CCDC141: variants seen among roughly 807,000 people sequenced by gnomAD.
The protein encoded by CCDC141 is coiled-coil domain containing 141.
Under a neutral mutation model 181.0 loss-of-function variants are expected in CCDC141, and 168 were observed. The observed-to-expected ratio is 0.93, with a 90% confidence interval of 0.82 to 1.05. The LOEUF (loss-of-function observed/expected upper bound fraction) is 1.05, where lower values mean the gene tolerates loss of function less well. CCDC141 is among the 50% of genes least tolerant of loss of function. CCDC141 has a pLI of 0.00. For missense variants in CCDC141, 1,902 were observed against 1,788.5 expected (o/e 1.06, Z -1.14); for synonymous variants, 666 against 642.3 (o/e 1.04, Z -0.56).
chr2:178,904,356 C>G (rs1165871183), intron 8 of CCDC141, among the ~76,000 whole-genome samples: 1 of 152,102 alleles, frequency 6.6e-6, no homozygotes, highest in African/African-American at 2.4e-5. Flanking sequence ...GGTTAAATAC[C>G]CCTGTCCAGA....
At chr2:178,998,349 C>T (rs983404731) in intron 2 of CCDC141, among the ~76,000 whole-genome samples, 11 of 152,170 alleles carry the variant, frequency 7.2e-5, no homozygotes, top group African/African-American at 2.7e-4. Context: ...AATGTATTCA[C>T]TCAGTCATTG....
intron 2 of CCDC141, among the ~76,000 whole-genome samples, chr2:178,984,007 T>A (rs1476606914): frequency 6.6e-6 from 1 of 151,046 alleles, no homozygotes; most frequent in East Asian, 2.0e-4. Flanking sequence ...CCAAAACACA[T>A]AATTGTCAGA....
intron 5 of CCDC141, among the ~76,000 whole-genome samples, chr2:178,959,524 T>C (rs1011212128): frequency 5.3e-5 from 8 of 152,138 alleles, no homozygotes; most frequent in African/African-American, 1.4e-4. Context: ...TTGTTTCGTG[T>C]CCTGAGGATT....
chr2:178,843,601 G>A (rs1684817321), intron 22 of CCDC141, among the ~76,000 whole-genome samples: 1 of 151,800 alleles, frequency 6.6e-6, no homozygotes, highest in South Asian at 2.1e-4. Context: ...CTATCTCCAG[G>A]AAAAAAAATC....
At chr2:178,943,296 A>G (rs1424775664) in intron 6 of CCDC141, among the ~76,000 whole-genome samples, 1 of 152,222 alleles carries the variant, frequency 6.6e-6, no homozygotes, top group Non-Finnish European at 1.5e-5. Context: ...AAATTAAAAA[A>G]TAATCAGTCA....
intron 2 of CCDC141, among the ~76,000 whole-genome samples, chr2:179,029,594 C>A (rs542191934): frequency 1.3e-5 from 2 of 152,106 alleles, no homozygotes; most frequent in Non-Finnish European, 2.9e-5. Context: ...GCTGGATACA[C>A]AGAGGGTGTC....
At chr2:178,882,018 G>A (rs1156440419) in intron 11 of CCDC141, among the ~76,000 whole-genome samples, 1 of 151,682 alleles carries the variant, frequency 6.6e-6, no homozygotes, top group Non-Finnish European at 1.5e-5. Flanking sequence ...GTGAGGGCAA[G>A]ACTGTAAGGA....
chr2:178,976,367 A>AAT (rs2154380552), intron 3 of CCDC141, among the ~76,000 whole-genome samples: 2 of 152,346 alleles, frequency 1.3e-5, no homozygotes, highest in South Asian at 4.1e-4. Flanking sequence ...GGGGATTCTT[A>AAT]ATATTTTAAT....
At chr2:178,876,211 A>C (rs1686350460) in intron 12 of CCDC141, 1 of 152,228 alleles carries the variant, frequency 6.6e-6, no homozygotes, top group South Asian at 2.1e-4. Flanking sequence ...TTCAGGCTCC[A>C]GACTGAGATT....
the CCDC141 span, among the ~76,000 whole-genome samples, chr2:178,815,552 A>G: frequency 6.6e-6 from 1 of 152,200 alleles, no homozygotes; most frequent in East Asian, 1.9e-4. Context: ...ATTTGGGGAC[A>G]CTTGCAGTAT....
At chr2:179,041,782 G>A (rs776787967) in intron 2 of CCDC141, among the ~76,000 whole-genome samples, 5 of 152,060 alleles carry the variant, frequency 3.3e-5, no homozygotes, top group Non-Finnish European at 5.9e-5. Context: ...TGACAAAACA[G>A]ACTGTAAACC....
In CCDC141 at chr2:178,961,380, A is replaced by G; in HGVS notation, c.630T>C (p.Thr210=). Residue 210 remains threonine (T), a synonymous_variant, in exon 5 of 24, where the codon ACT becomes ACC. Coordinates refer to ENST00000443758, the MANE Select transcript of CCDC141 (RefSeq NM_173648.4). ...CEGPNVNPEL[T]QGAHSSCLKV... is the part of the protein sequence containing the mutation. ...TCAGACAGCTGCTATGAGCTCCCTG[A>G]GTCAACTCAGGATTCACATTAGGTC... is the stretch of plus-strand genomic sequence containing the variant. The G allele has an allele frequency of 6.4e-7, 1 of 1,550,608 alleles. No homozygotes were observed. Among genetic ancestry groups the G allele is most frequent in the Non-Finnish European group, 8.7e-7 (1 of 1,146,970 alleles).
chr2:179,004,706 C>T (rs893056405), intron 2 of CCDC141, among the ~76,000 whole-genome samples: 2 of 152,080 alleles, frequency 1.3e-5, no homozygotes, highest in African/African-American at 4.8e-5. Context: ...TAAAATGCTT[C>T]CTAAATAAAG....
In CCDC141 at chr2:178,855,556, A is replaced by G. The variant is rs1277479813; in HGVS notation, c.2866-15T>C. On this transcript the variant is annotated splice_polypyrimidine_tract_variant and intron_variant, in intron 18 of 23. Coordinates refer to ENST00000443758, the MANE Select transcript of CCDC141 (RefSeq NM_173648.4). The stretch of plus-strand genomic sequence containing the variant: ...CTTTTCAAAGCCTGTGTGAAAAACA[A>G]AAAGTTTTTTAAACAACATTCAATT... 9 of 1,537,290 alleles carry G rather than the reference A, an allele frequency of 5.9e-6. No individual in the cohort carries two copies. The highest frequency in any genetic ancestry group is 1.7e-4 in the Middle Eastern group (1 of 5,760).
At chr2:178,854,808 G>A (rs1160960512) in intron 19 of CCDC141, among the ~76,000 whole-genome samples, 1 of 152,158 alleles carries the variant, frequency 6.6e-6, no homozygotes, top group East Asian at 1.9e-4. Context: ...TTCAAGTGCA[G>A]AATTTCTTCA....
At chr2:178,981,636 G>GTATATATATATATATATATATATGTA (rs1193430874) in intron 2 of CCDC141, among the ~76,000 whole-genome samples, 1 of 62,404 alleles carries the variant, frequency 1.6e-5, no homozygotes, top group African/African-American at 5.5e-5. Context: ...GTGTGTGTGT[G>GTATATATATATATATATATATATGTA]TATATATATA....
chr2:179,028,854 A>G (rs992320558), intron 2 of CCDC141, among the ~76,000 whole-genome samples: 1 of 152,098 alleles, frequency 6.6e-6, no homozygotes, highest in Admixed American at 6.6e-5. Context: ...TAACTCCCCA[A>G]ATTTCCCATT....
Position 179,002,248 on chromosome 2 carries a change from A to G in CCDC141, c.226-23573T>C. ...AAACAAGGTTTTCCCATGAAGCAGGATGTCTTGGCCCATGACCATGTCCAC... is the reference window on the plus strand; with the variant it reads ...AAACAAGGTTTTCCCATGAAGCAGGGTGTCTTGGCCCATGACCATGTCCAC... On this transcript the variant is annotated intron_variant, in intron 2 of 23. Coordinates refer to ENST00000443758, the MANE Select transcript of CCDC141 (RefSeq NM_173648.4). 1.2e-5 allele frequency: 3 copies of G among 243,760 alleles called. 1 individual carries two copies. Among genetic ancestry groups the G allele is most frequent in the South Asian group, 5.1e-5 (1 of 19,786 alleles). 15.1% of individuals were successfully genotyped at this position (243,760 alleles called of 1,614,324 possible).
chr2:179,044,971 C>T (rs1575386814), intron 2 of CCDC141, among the ~76,000 whole-genome samples: 1 of 150,172 alleles, frequency 6.7e-6, no homozygotes, highest in African/African-American at 2.5e-5. Flanking sequence ...TGGGGTTTTT[C>T]TTTTTTTTTC....
Sources: gnomAD v4.1 joint callset for allele counts (sites outside exome capture counted in the v4.1 genomes callset) on GRCh38, gnomAD v4.1.1 for gene constraint, MANE v1.5 for transcripts, NCBI Gene and HGNC (gene_info 2026-07-23, HGNC 2026-07-21) for gene names.